The following ADAMTS3 variants were observed in gnomAD, a reference collection of about 807,000 sequenced individuals.
The protein encoded by ADAMTS3 is A disintegrin and metalloproteinase with thrombospondin motifs 3.
In ADAMTS3, 73 loss-of-function variants were observed where a neutral mutation model predicts 129.0. The observed-to-expected ratio is 0.57, with a 90% CI of 0.47 to 0.69. ADAMTS3 has a LOEUF of 0.69. ADAMTS3 is among the 30% of genes least tolerant of loss of function. The pLI is 0.00. For synonymous variants in ADAMTS3, 477 were observed against 510.8 expected (o/e 0.93, Z 0.89); for missense variants, 1,457 against 1,514.5 (o/e 0.96, Z 0.63).
intron 5 of ADAMTS3, among the ~76,000 whole-genome samples, chr4:72,323,946 T>C (rs1719632346): frequency 6.6e-6 from 1 of 152,148 alleles, no homozygotes; most frequent in South Asian, 2.1e-4. Context: ...GATATGAATC[T>C]GAAGTGGACT....
intron 4 of ADAMTS3, among the ~76,000 whole-genome samples, chr4:72,388,772 C>T (rs1379253782): frequency 6.6e-6 from 1 of 152,058 alleles, no homozygotes; most frequent in African/African-American, 2.4e-5. Context: ...TAGTCCTGTT[C>T]ATGGTTAGGA....
At chr4:72,335,575 ACTGT>A (rs1433462365) in intron 5 of ADAMTS3, among the ~76,000 whole-genome samples, 3 of 151,984 alleles carry the variant, frequency 2.0e-5, no homozygotes, top group Non-Finnish European at 4.4e-5. Flanking sequence ...TCCCAGTAAC[ACTGT>A]CTTTTTTTAA....
At chr4:72,342,518 C>A (rs1720165055) in intron 4 of ADAMTS3, among the ~76,000 whole-genome samples, 1 of 152,012 alleles carries the variant, frequency 6.6e-6, no homozygotes, top group African/African-American at 2.4e-5. Context: ...CACACACCAC[C>A]ATGCCCAGCT....
intron 4 of ADAMTS3, among the ~76,000 whole-genome samples, chr4:72,348,175 A>T (rs1396092926): frequency 1.3e-5 from 2 of 152,094 alleles, no homozygotes; most frequent in Non-Finnish European, 2.9e-5. Context: ...TGGACGAGAC[A>T]AACATGTTGC....
intron 3 of ADAMTS3, among the ~76,000 whole-genome samples, chr4:72,510,221 G>C (rs974321367): frequency 6.6e-6 from 1 of 151,934 alleles, no homozygotes; most frequent in African/African-American, 2.4e-5. Context: ...AAATGAAAAG[G>C]CTGCCCACTG....
intron 3 of ADAMTS3, among the ~76,000 whole-genome samples, chr4:72,468,103 ATTTC>A (rs1718969292): frequency 6.6e-6 from 1 of 152,210 alleles, no homozygotes; most frequent in Non-Finnish European, 1.5e-5. Flanking sequence ...TGAAAAAAAA[ATTTC>A]TTTAAGTAGA....
chr4:72,550,053 AAGAG>A (rs1560564191), intron 2 of ADAMTS3, among the ~76,000 whole-genome samples: 9 of 10,362 alleles, frequency 8.7e-4, no homozygotes, highest in African/African-American at 2.6e-3. Flanking sequence ...GAGGAAGAGG[AAGAG>A]GAAGAGGAAG....
chr4:72,288,852 C>T lies in ADAMTS3; in HGVS notation c.2948G>A (p.Gly983Asp), dbSNP rs781162084. 5 of 1,612,572 alleles carry T rather than the reference C, an allele frequency of 3.1e-6. No individual in the cohort carries two copies. Among genetic ancestry groups the T allele is most frequent in the Non-Finnish European group, 4.2e-6 (5 of 1,179,294 alleles). Reference protein sequence around the residue: ...GPWSECSVTCGEGTEVRQVLC... With the variant: ...GPWSECSVTCDEGTEVRQVLC... ...GACCTGCCTCACCTCCGTTCCTTCA[C>T]CGCAGGTCACTGAACACTGCAGAGA... is the stretch of plus-strand genomic sequence containing the variant. Residue 983 changes from glycine to aspartate, a missense_variant, in exon 21 of 22, where the codon GGT becomes GAT. Coordinates refer to ENST00000286657, the MANE Select transcript of ADAMTS3 (RefSeq NM_014243.3).
rs375728272 is a variant in ADAMTS3, at chr4:72,534,045, C to T, written c.504+14433G>A. On this transcript the variant is annotated intron_variant, in intron 3 of 21. Transcript: ENST00000286657. ...TATTGTCATAGAACATCACAGTCCCCGGCTGGGTGCAGGGGCTCACGCCTG... is the reference window on the plus strand; with the variant it reads ...TATTGTCATAGAACATCACAGTCCCTGGCTGGGTGCAGGGGCTCACGCCTG... 1.6e-4 allele frequency among the ~76,000 whole-genome samples: 25 copies of T among 152,074 alleles called. No homozygotes were observed. In the East Asian group the frequency reaches 2.3e-3, roughly 14 times the overall value.
chr4:72,384,357 G>C, intron 4 of ADAMTS3, among the ~76,000 whole-genome samples: 1 of 152,036 alleles, frequency 6.6e-6, no homozygotes, highest in East Asian at 1.9e-4. Flanking sequence ...AACCACACAT[G>C]GGCAGTTTTT....
intron 3 of ADAMTS3, among the ~76,000 whole-genome samples, chr4:72,505,643 C>T (rs1720141881): frequency 6.6e-6 from 1 of 152,224 alleles, no homozygotes; most frequent in Admixed American, 6.5e-5. Context: ...TGCTAAGAGA[C>T]AGTCCAGTGG....
In ADAMTS3 at chr4:72,282,160, C is replaced by T. The variant is rs2109759120; in HGVS notation, c.*976G>A. 1 of 152,248 alleles carries T rather than the reference C, an allele frequency of 6.6e-6. No homozygotes were observed. Among genetic ancestry groups the T allele is most frequent in the South Asian group, 2.1e-4 (1 of 4,822 alleles). The allele number at this position is 152,248 out of a possible 1,614,324, so 9.4% of individuals were successfully genotyped here. A position where few individuals can be genotyped will look rare whatever the true frequency, so the allele number is the denominator to read the frequency against. ...AAAACTTTTTCCTTTGCGATTATTA[C>T]AGTACATTGAGTATAACTGTTTGTA... On this transcript the variant is annotated 3_prime_UTR_variant, in exon 22 of 22. Coordinates refer to ENST00000286657, the MANE Select transcript of ADAMTS3 (RefSeq NM_014243.3).
intron 2 of ADAMTS3, among the ~76,000 whole-genome samples, chr4:72,566,679 G>C (rs1181497122): frequency 6.6e-6 from 1 of 152,108 alleles, no homozygotes; most frequent in Non-Finnish European, 1.5e-5. Context: ...TTCAGCCTCC[G>C]CATTCACAAC....
At chr4:72,568,608 GA>G in intron 1 of ADAMTS3, 85 bp downstream of exon 1, 1 of 1,007,886 alleles carries the variant, frequency 9.9e-7, no homozygotes, top group East Asian at 2.5e-5. Flanking sequence ...GGAGAAGGAG[GA>G]AAGAGAGGAG....
chr4:72,489,239 C>A (rs565535699), intron 3 of ADAMTS3, among the ~76,000 whole-genome samples: 3 of 152,118 alleles, frequency 2.0e-5, no homozygotes, highest in Admixed American at 6.6e-5. Context: ...AAAGTGCAGA[C>A]ATCTCTCTGA....
At chr4:72,381,353 T>A (rs1721284631) in intron 4 of ADAMTS3, among the ~76,000 whole-genome samples, 1 of 152,176 alleles carries the variant, frequency 6.6e-6, no homozygotes, top group Admixed American at 6.6e-5. Flanking sequence ...CAGATAGCCA[T>A]GCAACTTGAT....
At chr4:72,415,632 C>A (rs1228974303) in intron 3 of ADAMTS3, among the ~76,000 whole-genome samples, 1 of 151,876 alleles carries the variant, frequency 6.6e-6, no homozygotes, top group Non-Finnish European at 1.5e-5. Flanking sequence ...AAACTGCATC[C>A]TTTCACACTG....
intron 10 of ADAMTS3, among the ~76,000 whole-genome samples, chr4:72,316,761 C>T (rs532391874): frequency 2.6e-4 from 39 of 151,886 alleles, no homozygotes; most frequent in African/African-American, 8.0e-4. Flanking sequence ...AAAAAATTGT[C>T]AAACTTTCTG....
intron 3 of ADAMTS3, among the ~76,000 whole-genome samples, chr4:72,500,413 T>G (rs1719985067): frequency 6.6e-6 from 1 of 152,144 alleles, no homozygotes; most frequent in African/African-American, 2.4e-5. Flanking sequence ...CATGTACATC[T>G]CTTTTGGAGA....
Sources: gnomAD v4.1 joint callset for allele counts (sites outside exome capture counted in the v4.1 genomes callset) on GRCh38, gnomAD v4.1.1 for gene constraint, MANE v1.5 for transcripts, NCBI Gene and HGNC (gene_info 2026-07-23, HGNC 2026-07-21) for gene names.